The following PIEZO1 variants were observed in gnomAD, a reference collection of about 807,000 sequenced individuals.
The protein encoded by PIEZO1 is piezo-type mechanosensitive ion channel component 1.
A neutral mutation model predicts 297.2 loss-of-function variants in PIEZO1; 296 were observed. The ratio of observed to expected loss-of-function variants is 1.00; its 90% confidence interval spans 0.91 to 1.10. The LOEUF is 1.10. PIEZO1 is among the 50% of genes least tolerant of loss of function. The pLI, the probability that PIEZO1 is intolerant of heterozygous loss-of-function variation, is 0.00. For synonymous variants in PIEZO1, 2,427 were observed against 1,507.5 expected, an observed-to-expected ratio of 1.61 and a Z score of -14.13; for missense variants, 5,018 against 3,455.5, an observed-to-expected ratio of 1.45 and a Z score of -11.34.
chr16:88,754,879 G>A (rs1597475661), intron 1 of PIEZO1, among the ~76,000 whole-genome samples: 4 of 152,212 alleles, frequency 2.6e-5, no homozygotes, highest in African/African-American at 7.2e-5. Flanking sequence ...ACGAGCTGGG[G>A]GCATCGTGTG....
intron 44 of PIEZO1, 122 bp from the exon 45 acceptor site, chr16:88,717,333 G>C: frequency 1.3e-6 from 1 of 759,366 alleles, no homozygotes; most frequent in Non-Finnish European, 2.3e-6. Flanking sequence ...ATGGCACAGC[G>C]GTAGTAATGG....
At chr16:88,724,479 C>T (rs547242728) in intron 30 of PIEZO1, among the ~76,000 whole-genome samples, 12 of 149,754 alleles carry the variant, frequency 8.0e-5, no homozygotes, top group African/African-American at 2.7e-4. Flanking sequence ...TGTAGTGAGC[C>T]GCAATCACGC....
intron 27 of PIEZO1, 28 bp downstream of exon 27, chr16:88,726,256 T>G (rs2142783951): frequency 6.5e-7 from 1 of 1,532,898 alleles, no homozygotes; most frequent in East Asian, 2.5e-5. Context: ...AGACGGGAGC[T>G]CTGGGCTGTG....
At chr16:88,717,587 TAGAAGAAA>T (rs1242213118) in intron 44 of PIEZO1, 1 of 471,440 alleles carries the variant, frequency 2.1e-6, no homozygotes, top group Admixed American at 2.3e-5. Flanking sequence ...ATAGAACTTT[TAGAAGAAA>T]ACGGGCAAAT....
chr16:88,726,868 G>A lies in PIEZO1; in HGVS notation c.3546C>T (p.Ile1182=). The A allele has an allele frequency of 2.6e-6, 4 of 1,550,418 alleles. No individual in the cohort carries two copies. In the South Asian group the frequency reaches 3.6e-5, roughly 14 times the overall value. The change falls in exon 25 of 51, where the codon ATC becomes ATT. Residue 1182 remains isoleucine, a synonymous_variant. Coordinates refer to ENST00000301015, the MANE Select transcript of PIEZO1 (RefSeq NM_001142864.4). ...VVVFVTGATR[I]SIFGLGYLLA... is the part of the protein sequence containing the mutation. ...GCAGGTAGCCCAGCCCGAAGATGCT[G>A]ATGCGGGTGGCCCCCGTGACAAACA... is the stretch of plus-strand genomic sequence containing the variant.
chr16:88,741,720 G>GTCCCCCTCTGTCCCTCC, intron 4 of PIEZO1, 104 bp from the exon 5 acceptor site: 1 of 638,298 alleles, frequency 1.6e-6, no homozygotes, highest in Non-Finnish European at 2.6e-6. Context: ...GGGTCTCCAG[G>GTCCCCCTCTGTCCCTCC]TGCGGGTGGG....
intron 1 of PIEZO1, among the ~76,000 whole-genome samples, chr16:88,756,789 C>T (rs1457656439): frequency 6.7e-6 from 1 of 148,794 alleles, no homozygotes; most frequent in East Asian, 2.0e-4. Context: ...AAAATAAAAA[C>T]AAACAAGCCA....
chr16:88,742,279 C>T (rs1246099791), intron 3 of PIEZO1, 21 bp downstream of exon 3: 1 of 1,526,908 alleles, frequency 6.5e-7, no homozygotes, highest in Non-Finnish European at 8.8e-7. Flanking sequence ...CTATCCCTAC[C>T]CCGCCCCCTC....
intron 1 of PIEZO1, among the ~76,000 whole-genome samples, chr16:88,778,016 C>T (rs1567489886): frequency 1.3e-5 from 2 of 152,258 alleles, no homozygotes; most frequent in African/African-American, 4.8e-5. Context: ...CCGGGAGCTC[C>T]TGCGGGCCTG....
chr16:88,727,509 G>C, intron 23 of PIEZO1, 48 bp downstream of exon 23: 5 of 740,078 alleles, frequency 6.8e-6, no homozygotes, highest in Non-Finnish European at 1.1e-5. Flanking sequence ...GGGCGTGAAT[G>C]TACTCTGAGG....
At chr16:88,724,224 G>C (rs1195418122) in intron 30 of PIEZO1, among the ~76,000 whole-genome samples, 1 of 152,220 alleles carries the variant, frequency 6.6e-6, no homozygotes, top group Non-Finnish European at 1.5e-5. Flanking sequence ...CCAGGAGGCT[G>C]TGTGAGAGTT....
At chr16:88,734,579 G>C (rs969606389) in intron 15 of PIEZO1, 41 bp from the exon 16 acceptor site, 172 of 1,545,880 alleles carry the variant, frequency 1.1e-4, no homozygotes, top group Non-Finnish European at 1.5e-4. Context: ...GCCCCCGGCA[G>C]AGCCGCTGCA....
intron 1 of PIEZO1, among the ~76,000 whole-genome samples, chr16:88,762,670 G>A (rs572110868): frequency 6.6e-5 from 10 of 152,324 alleles, no homozygotes; most frequent in African/African-American, 2.2e-4. Flanking sequence ...GTGCTGTGTC[G>A]GCCCTGACCC....
At chr16:88,741,330 G>C in intron 5 of PIEZO1, 148 bp downstream of exon 5, 1 of 713,312 alleles carries the variant, frequency 1.4e-6, no homozygotes. Flanking sequence ...CCCCGGGGTG[G>C]GATTTGGAAC....
Position 88,733,182 on chromosome 16 carries a change from GC to G in PIEZO1, c.2664+95del, listed in dbSNP as rs996340661. ...GGAGAGTCCTCCATCTCCATTGCTGGCCCCACTGCACTGAGGCAGCTGCCCC... is the reference window on the plus strand; with the variant it reads ...GGAGAGTCCTCCATCTCCATTGCTGGCCCACTGCACTGAGGCAGCTGCCCC... On this transcript the variant is annotated intron_variant, in intron 19 of 50. Transcript: ENST00000301015. The G allele has an allele frequency of 3.5e-6, 4 of 1,143,346 alleles. No individual in the cohort carries two copies. The African/African-American group carries it at 6.2e-5, about 18-fold the overall frequency. 70.8% of individuals were successfully genotyped at this position (1,143,346 alleles called of 1,614,324 possible).
At position 88,775,505 on chromosome 16, in the gene PIEZO1, G is replaced by A. The variant is rs1907616411; in HGVS notation, c.64+9396C>T. Among the ~76,000 whole-genome samples, 9 of 152,292 alleles carry A rather than the reference G, an allele frequency of 5.9e-5. No individual in the cohort carries two copies. In the South Asian group the frequency reaches 1.9e-3, roughly 32 times the overall value. ...GCACTTTGGGAGGCCAAGGCAGGCG[G>A]ATCACCTAAGGTCAGGAGTTTGAGA... is the stretch of plus-strand genomic sequence containing the variant. On this transcript the variant is annotated intron_variant, in intron 1 of 50. Coordinates refer to ENST00000301015, the MANE Select transcript of PIEZO1 (RefSeq NM_001142864.4).
chr16:88,724,947 G>C lies in PIEZO1; in HGVS notation c.4234+62C>G. On this transcript the variant is annotated intron_variant, in intron 30 of 50. Transcript: ENST00000301015. ...GGAGGGGAAGATAGCAGGCCAGGCA[G>C]AGGACAGATGGGGGCACAGAGGGCC... 3.8e-6 allele frequency: 4 copies of C among 1,064,298 alleles called. No homozygotes were observed. In the East Asian group the frequency reaches 1.2e-4, roughly 33 times the overall value. The allele number at this position is 1,064,298 out of a possible 1,614,324, so 65.9% of individuals were successfully genotyped here.
At position 88,720,251 on chromosome 16, in the gene PIEZO1, G is replaced by A. The variant is rs1486364398; in HGVS notation, c.5982C>T (p.Ser1994=). The change falls in exon 42 of 51, where the codon TCC becomes TCT. Residue 1994 remains serine (S), a synonymous_variant. Coordinates refer to ENST00000301015, the MANE Select transcript of PIEZO1 (RefSeq NM_001142864.4). ...KHSAATDITS[S]LSDDQVPEAF... ...CCTCGGGTACCTGGTCGTCTGATAG[G>A]GAGGACGTGATGTCTGTGGCCGCCG... 1 of 1,550,492 alleles carries A rather than the reference G, an allele frequency of 6.4e-7. No homozygotes were observed. Among genetic ancestry groups the A allele is most frequent in the South Asian group, 1.2e-5 (1 of 84,066 alleles).
rs141011459 is a variant in PIEZO1 at position 88,719,967 on chromosome 16, C to T, written c.6165-7G>A. The T allele has an allele frequency of 5.0e-4, 774 of 1,550,134 alleles. 1 individual carries two copies. The highest frequency in any genetic ancestry group is 9.5e-4 in the East Asian group (39 of 40,918). ...CACATTCTGGTTGAACATCCTGGGG[C>T]GGGATGGCCAGGTCAAGGACCCCAT... On this transcript the variant is annotated splice_polypyrimidine_tract_variant and splice_region_variant and intron_variant, in intron 42 of 50. Coordinates refer to ENST00000301015, the MANE Select transcript of PIEZO1 (RefSeq NM_001142864.4).
Sources: allele counts gnomAD v4.1 joint callset (sites outside exome capture counted in the v4.1 genomes callset), GRCh38; gene constraint gnomAD v4.1.1; transcripts MANE v1.5; gene names NCBI Gene and HGNC (gene_info 2026-07-23, HGNC 2026-07-21).